The following DIAPH2 variants were observed in gnomAD, a reference collection of about 807,000 sequenced individuals.
The protein encoded by DIAPH2 is protein diaphanous homolog 2.
Under a neutral mutation model 92.7 loss-of-function variants are expected in DIAPH2, and 35 were observed. The ratio of observed to expected loss-of-function variants is 0.38; its 90% CI spans 0.29 to 0.50. The LOEUF is 0.50. DIAPH2 is among the 20% of genes least tolerant of loss of function. The probability of loss-of-function intolerance (pLI) is 0.94; values close to 1 mark genes in which losing one functional copy is unlikely to be tolerated. For synonymous variants in DIAPH2, 301 were observed against 280.4 expected, an observed-to-expected ratio of 1.07 and a Z score of -0.73; for missense variants, 701 against 819.5, an observed-to-expected ratio of 0.86 and a Z score of 1.77.
At chrX:97,027,013 T>A (rs1481494044) in intron 17 of DIAPH2, among the ~76,000 whole-genome samples, 1 of 112,091 alleles carries the variant, frequency 8.9e-6, no homozygotes, top group Non-Finnish European at 1.9e-5. Context: ...TTTGTACACA[T>A]CTGGTACTAC....
At chrX:96,690,319 C>T (rs1215722444) in intron 1 of DIAPH2, among the ~76,000 whole-genome samples, 1 of 111,513 alleles carries the variant, frequency 9.0e-6, no homozygotes, top group African/African-American at 3.3e-5. Flanking sequence ...CCATTTAGCA[C>T]CAGAAGTTTG....
chrX:96,860,372 TAAAATGGGAAAAAC>T (rs2065066258), intron 4 of DIAPH2, among the ~76,000 whole-genome samples: 1 of 111,667 alleles, frequency 9.0e-6, no homozygotes, highest in Non-Finnish European at 1.9e-5. Context: ...ATAAAATTAG[TAAAATGGGAAAAAC>T]TTTAACATAC....
chrX:97,303,480 C>G (rs2068723460), intron 23 of DIAPH2, among the ~76,000 whole-genome samples: 1 of 111,719 alleles, frequency 9.0e-6, no homozygotes, highest in African/African-American at 3.2e-5. Context: ...CTAGCTTTCT[C>G]AAGAAAGAAG....
intron 4 of DIAPH2, among the ~76,000 whole-genome samples, chrX:96,867,471 C>T (rs1241971997): frequency 9.0e-6 from 1 of 111,371 alleles, no homozygotes; most frequent in Non-Finnish European, 1.9e-5. Context: ...CTGCCCGCCT[C>T]GGCCTCCCAA....
At chrX:97,567,457 G>A (rs778690454) in intron 26 of DIAPH2, among the ~76,000 whole-genome samples, 2 of 112,048 alleles carry the variant, frequency 1.8e-5, no homozygotes, top group African/African-American at 6.5e-5. Context: ...ATTAAGTCCA[G>A]GCAGCTAAGA....
At chrX:97,322,139 T>G (rs2147655286) in intron 23 of DIAPH2, among the ~76,000 whole-genome samples, 1 of 112,793 alleles carries the variant, frequency 8.9e-6, no homozygotes, top group South Asian at 3.6e-4. Flanking sequence ...TCCACAGTAT[T>G]TAATGAAGAT....
At chrX:97,592,365 A>G (rs1256431745) in intron 26 of DIAPH2, among the ~76,000 whole-genome samples, 2 of 111,639 alleles carry the variant, frequency 1.8e-5, no homozygotes, top group East Asian at 2.8e-4. Context: ...AAAGTGAAAT[A>G]TAGAAAAGTG....
intron 21 of DIAPH2, among the ~76,000 whole-genome samples, chrX:97,133,799 T>A (rs1196715825): frequency 6.2e-5 from 7 of 112,393 alleles, no homozygotes; most frequent in Non-Finnish European, 1.3e-4. Flanking sequence ...TGAAGCTTCC[T>A]TCCTTGATTG....
At chrX:96,754,923 C>CAAAAAAAAAAA (rs1007573600) in intron 3 of DIAPH2, among the ~76,000 whole-genome samples, 39 of 16,000 alleles carry the variant, frequency 2.4e-3, no homozygotes, top group Non-Finnish European at 3.5e-3. Context: ...GTCTCCACCT[C>CAAAAAAAAAAA]AAAAAAAAAA....
chrX:97,058,785 G>C (rs1346268599), intron 17 of DIAPH2, among the ~76,000 whole-genome samples: 1 of 110,798 alleles, frequency 9.0e-6, no homozygotes, highest in Non-Finnish European at 1.9e-5. Flanking sequence ...AATATTTCCT[G>C]AGCATCATTT....
intron 26 of DIAPH2, among the ~76,000 whole-genome samples, chrX:97,543,599 G>A (rs1220636606): frequency 9.0e-6 from 1 of 110,637 alleles, no homozygotes; most frequent in Non-Finnish European, 1.9e-5. Flanking sequence ...CCACCTCCCA[G>A]GTTCAAGTGA....
intron 26 of DIAPH2, among the ~76,000 whole-genome samples, chrX:97,588,375 C>G (rs762392678): frequency 9.0e-6 from 1 of 111,448 alleles, no homozygotes; most frequent in South Asian, 3.8e-4. Context: ...CCCTTTCCAC[C>G]CCACACTGCC....
At chrX:97,161,767 G>A (rs1287477596) in intron 22 of DIAPH2, among the ~76,000 whole-genome samples, 1 of 111,500 alleles carries the variant, frequency 9.0e-6, no homozygotes, top group Non-Finnish European at 1.9e-5. Flanking sequence ...GTAGCTGGGG[G>A]TACATTGCTT....
At chrX:97,221,735 G>A (rs908284539) in intron 22 of DIAPH2, among the ~76,000 whole-genome samples, 11 of 111,544 alleles carry the variant, frequency 9.9e-5, no homozygotes, top group Admixed American at 9.5e-5. Context: ...TAAGTAAAGG[G>A]ATTAATTCAT....
intron 26 of DIAPH2, among the ~76,000 whole-genome samples, chrX:97,499,727 G>A (rs1335131270): frequency 8.9e-6 from 1 of 112,264 alleles, no homozygotes. Context: ...ATTGGATAAA[G>A]AAAATATGGT....
In DIAPH2 at chrX:97,599,726, A is replaced by G. The variant is rs1849453679; in HGVS notation, c.*409A>G. ...AGAATAGAAAGAATTATCCAGTGTC[A>G]GCTTCCAATCCCTAGTACATATATA... On this transcript the variant is annotated 3_prime_UTR_variant, in exon 27 of 27. Coordinates refer to ENST00000324765, the MANE Select transcript of DIAPH2 (RefSeq NM_006729.5). The G allele has an allele frequency of 2.4e-5, 3 of 124,194 alleles. No homozygotes were observed. The South Asian group carries it at 8.3e-4, about 34-fold the overall frequency. The allele number at this position is 124,194 out of a possible 1,213,427, so 10.2% of individuals were successfully genotyped here. A position where few individuals can be genotyped will look rare whatever the true frequency, so the allele number is the denominator to read the frequency against.
intron 4 of DIAPH2, among the ~76,000 whole-genome samples, chrX:96,863,396 A>G (rs1375061031): frequency 9.1e-6 from 1 of 109,617 alleles, no homozygotes; most frequent in Non-Finnish European, 1.9e-5. Context: ...CTTTGACCAG[A>G]ACAGTTGGTT....
At chrX:97,332,645 C>T (rs1241091481) in intron 23 of DIAPH2, among the ~76,000 whole-genome samples, 1 of 111,010 alleles carries the variant, frequency 9.0e-6, no homozygotes, top group Non-Finnish European at 1.9e-5. Flanking sequence ...ATAAAATGTC[C>T]AAAGAATTCA....
At chrX:96,750,051 G>GTTTTTTTTT (rs753887199) in intron 3 of DIAPH2, among the ~76,000 whole-genome samples, 8 of 71,052 alleles carry the variant, frequency 1.1e-4, no homozygotes, top group Non-Finnish European at 1.8e-4. Context: ...TATATTTCAA[G>GTTTTTTTTT]TTTTTTTTTT....
Sources: allele counts gnomAD v4.1 joint callset (sites outside exome capture counted in the v4.1 genomes callset), GRCh38; gene constraint gnomAD v4.1.1; transcripts MANE v1.5; gene names NCBI Gene and HGNC (gene_info 2026-07-23, HGNC 2026-07-21).